Variants in NRCAM observed in about 807,000 individuals in gnomAD.
NRCAM encodes the protein NgCAM-related cell adhesion molecule.
In NRCAM, 83 loss-of-function variants were observed where a neutral mutation model predicts 156.5. The observed-to-expected ratio is 0.53, with a 90% CI of 0.44 to 0.64. The LOEUF is 0.64. Among genes scored for constraint, NRCAM ranks in the 30% least tolerant of loss-of-function variants. The pLI, the probability that NRCAM is intolerant of heterozygous loss-of-function variation, is 0.00. For synonymous variants in NRCAM, 538 were observed against 563.9 expected, an observed-to-expected ratio of 0.95 and a Z score of 0.65; for missense variants, 1,417 against 1,597.3, an observed-to-expected ratio of 0.89 and a Z score of 1.92.
intron 13 of NRCAM, among the ~76,000 whole-genome samples, chr7:108,207,017 G>A (rs1007075568): frequency 3.3e-5 from 5 of 152,098 alleles, no homozygotes; most frequent in African/African-American, 1.2e-4. Flanking sequence ...TTCTTCTTTG[G>A]GTATCAAATG....
rs1354070684 is a variant in NRCAM at position 108,195,843 on chromosome 7, T to C, written c.1381A>G (p.Asn461Asp). 1 of 1,613,614 alleles carries C rather than the reference T, an allele frequency of 6.2e-7. No individual in the cohort carries two copies. The change falls in exon 15 of 33, where the codon AAC (asparagine) becomes GAC (aspartate). Residue 461 changes from asparagine (N) to aspartate (D), a missense_variant. Asn to Asp is a conservative substitution (Grantham distance 23). Coordinates refer to ENST00000379028, the MANE Select transcript of NRCAM (RefSeq NM_001037132.4). ...AEPPRILTPA[N>D]TLYQVIANRP... ...TTTGCAATGACCTGGTAGAGTGTGT[T>C]TGCAGGTGTGAGGATTCGTGGTGGC... is the stretch of plus-strand genomic sequence containing the variant.
intron 2 of NRCAM, among the ~76,000 whole-genome samples, chr7:108,315,062 A>G (rs2098886698): frequency 6.6e-6 from 1 of 152,064 alleles, no homozygotes; most frequent in African/African-American, 2.4e-5. Context: ...AATACAGATG[A>G]GAAATAGTTT....
chr7:108,421,373 A>C (rs978898394), intron 1 of NRCAM, among the ~76,000 whole-genome samples: 6 of 152,194 alleles, frequency 3.9e-5, no homozygotes, highest in Non-Finnish European at 8.8e-5. Context: ...ATCAATGTTT[A>C]CATGTCTCAT....
rs116446360 is a variant in NRCAM at position 108,367,161 on chromosome 7, T to C, written c.-174+32275A>G. On this transcript the variant is annotated intron_variant, in intron 2 of 32. Transcript: ENST00000379028. ...GCATGTTAAATCACACAGACTATAA[T>C]ATTGGAGATACCTACAAAGAAAGGT... Among the ~76,000 whole-genome samples the C allele has an allele frequency of 7.0e-3, 1,066 of 152,306 alleles. 15 individuals carry two copies. The highest frequency in any genetic ancestry group is 0.025 in the African/African-American group (1,031 of 41,564).
chr7:108,393,343 G>C (rs2099767169), intron 2 of NRCAM, among the ~76,000 whole-genome samples: 2 of 152,286 alleles, frequency 1.3e-5, no homozygotes, highest in Admixed American at 1.3e-4. Flanking sequence ...GCAAGGCTCT[G>C]TGGGCGTGGG....
At chr7:108,223,957 G>T in intron 10 of NRCAM, 121 bp from the exon 11 acceptor site, 1 of 614,616 alleles carries the variant, frequency 1.6e-6, no homozygotes, top group Non-Finnish European at 2.9e-6. Context: ...CATTAATTGT[G>T]AAATTTGTTA....
rs533992925 is a variant in NRCAM at position 108,233,555 on chromosome 7, G to A, written c.230+1028C>T. On this transcript the variant is annotated intron_variant, in intron 6 of 32. Coordinates refer to ENST00000379028, the MANE Select transcript of NRCAM (RefSeq NM_001037132.4). The stretch of plus-strand genomic sequence containing the variant: ...TACAGAAGGCATTAATTGTGAAACT[G>A]AAAGGAAACCTCATCAAGGGATACC... Among the ~76,000 whole-genome samples the A allele has an allele frequency of 1.8e-3, 273 of 152,302 alleles. 6 individuals carry two copies. Among genetic ancestry groups the A allele is most frequent in the Non-Finnish European group, 4.9e-4 (33 of 68,028 alleles).
rs949966830 is a variant in NRCAM, at chr7:108,261,938, A to G, written c.-106-21768T>C. Reference sequence around the variant, plus strand: ...AGCACTCCATTTCATCCCCTGGCAGACAGTTCTGAAACACTTCATAAACCC... The same window carrying G: ...AGCACTCCATTTCATCCCCTGGCAGGCAGTTCTGAAACACTTCATAAACCC... On this transcript the variant is annotated intron_variant, in intron 3 of 32. Transcript: ENST00000379028. Among the ~76,000 whole-genome samples, 5 of 152,148 alleles carry G rather than the reference A, an allele frequency of 3.3e-5. 1 individual carries two copies. The highest frequency in any genetic ancestry group is 7.4e-5 in the Non-Finnish European group (5 of 68,022).
At chr7:108,401,903 G>A (rs539385173) in intron 1 of NRCAM, among the ~76,000 whole-genome samples, 30 of 152,318 alleles carry the variant, frequency 2.0e-4, no homozygotes, top group African/African-American at 6.3e-4. Flanking sequence ...AAGCCTCCTG[G>A]AGTCTCCATG....
chr7:108,176,286 A>G (rs2060465283), intron 27 of NRCAM, 144 bp downstream of exon 27: 7 of 685,404 alleles, frequency 1.0e-5, no homozygotes, highest in Admixed American at 2.8e-5. Context: ...AGCTGATTAT[A>G]TATCAGAATG....
At chr7:108,449,365 C>G (rs907686430) in intron 1 of NRCAM, among the ~76,000 whole-genome samples, 10 of 152,184 alleles carry the variant, frequency 6.6e-5, no homozygotes, top group African/African-American at 2.4e-4. Context: ...GACCCAGCTC[C>G]CCCCTCCCTT....
At chr7:108,162,339 C>T (rs983211121) in intron 30 of NRCAM, among the ~76,000 whole-genome samples, 5 of 152,234 alleles carry the variant, frequency 3.3e-5, no homozygotes, top group Admixed American at 6.5e-5. Context: ...ATTACATCCT[C>T]TTTGGCAACA....
chr7:108,235,373 C>T (rs997541439), intron 5 of NRCAM, among the ~76,000 whole-genome samples: 2 of 152,202 alleles, frequency 1.3e-5, no homozygotes, highest in African/African-American at 4.8e-5. Context: ...TGACCCAGAA[C>T]AATCTAATCT....
At chr7:108,385,552 C>T (rs1365152751) in intron 2 of NRCAM, among the ~76,000 whole-genome samples, 2 of 152,176 alleles carry the variant, frequency 1.3e-5, no homozygotes, top group Non-Finnish European at 2.9e-5. Flanking sequence ...ATGAATTAGT[C>T]GTCCTGCACA....
At chr7:108,340,807 A>G (rs1001071374) in intron 2 of NRCAM, among the ~76,000 whole-genome samples, 6 of 152,194 alleles carry the variant, frequency 3.9e-5, no homozygotes, top group Non-Finnish European at 7.3e-5. Flanking sequence ...ACCTGACTCT[A>G]TTGAAGGCCA....
chr7:108,324,791 C>G (rs929633348), intron 2 of NRCAM, among the ~76,000 whole-genome samples: 1 of 151,762 alleles, frequency 6.6e-6, no homozygotes, highest in African/African-American at 2.4e-5. Context: ...AATTGTCAAC[C>G]TGCTTTCATA....
intron 2 of NRCAM, among the ~76,000 whole-genome samples, chr7:108,339,812 T>C (rs2099254543): frequency 1.3e-5 from 2 of 152,110 alleles, no homozygotes; most frequent in Admixed American, 1.3e-4. Context: ...ATGGGAAATG[T>C]TCCCCCTCAA....
chr7:108,436,027 G>A (rs60398019), intron 1 of NRCAM, among the ~76,000 whole-genome samples: 37,509 of 152,196 alleles, frequency 0.25, 4,943 homozygotes, highest in Non-Finnish European at 0.29. Context: ...CCAGCTACTC[G>A]GGAGGCTGAG....
In NRCAM at chr7:108,443,895, C is replaced by CAG. The variant is rs1554654177; in HGVS notation, c.-332+12347_-332+12348insCT. 8.9e-3 allele frequency among the ~76,000 whole-genome samples: 1,316 copies of CAG among 148,386 alleles called. 16 individuals carry two copies. The highest frequency in any genetic ancestry group is 0.031 in the African/African-American group (1,235 of 40,392). ...GTATACAGATATAGATAGATAGATA[C>CAG]ATACATACATACATACATACATACA... is the stretch of plus-strand genomic sequence containing the variant. On this transcript the variant is annotated intron_variant, in intron 1 of 32. Coordinates refer to ENST00000379028, the MANE Select transcript of NRCAM (RefSeq NM_001037132.4).
Sources: allele counts gnomAD v4.1 joint callset (sites outside exome capture counted in the v4.1 genomes callset), GRCh38; gene constraint gnomAD v4.1.1; transcripts MANE v1.5; gene names NCBI Gene and HGNC (gene_info 2026-07-23, HGNC 2026-07-21).